Variants in PDE4D observed in about 807,000 individuals in gnomAD.
PDE4D encodes the protein 3',5'-cyclic-AMP phosphodiesterase 4D.
Under a neutral mutation model 87.4 loss-of-function variants are expected in PDE4D, and 24 were observed. The ratio of observed to expected loss-of-function variants is 0.27; its 90% CI spans 0.20 to 0.39. The LOEUF (loss-of-function observed/expected upper bound fraction) is 0.39. Among genes scored for constraint, PDE4D ranks in the 10% least tolerant of loss-of-function variants. PDE4D has a pLI of 1.00. For synonymous variants in PDE4D, 384 were observed against 383.2 expected (o/e 1.00, Z -0.02); for missense variants, 714 against 1,041.0 (o/e 0.69, Z 4.32).
Position 59,925,003 on chromosome 5 carries a change from G to A in PDE4D, c.272+63485C>T, listed in dbSNP as rs951659415. On this transcript the variant is annotated intron_variant, in intron 3 of 16. Coordinates refer to the PDE4D transcript ENST00000502484. The stretch of plus-strand genomic sequence containing the variant: ...ATCCTGGCTAACATGGTGAAACCCC[G>A]TCTCTACTAAAAATACAAAAAATTA... Among the ~76,000 whole-genome samples the A allele has an allele frequency of 1.5e-4, 22 of 151,610 alleles. No individual in the cohort carries two copies. The East Asian group carries it at 2.1e-3, about 15-fold the overall frequency.
intron 1 of PDE4D, among the ~76,000 whole-genome samples, chr5:60,509,200 T>G (rs1351521594): frequency 1.3e-5 from 2 of 152,202 alleles, no homozygotes; most frequent in Non-Finnish European, 2.9e-5. Context: ...TTCAGCACTA[T>G]GCTTGGAAGC....
intron 1 of PDE4D, among the ~76,000 whole-genome samples, chr5:60,410,000 A>G (rs1239373344): frequency 6.6e-6 from 1 of 152,184 alleles, no homozygotes; most frequent in African/African-American, 2.4e-5. Flanking sequence ...GGCTCTAGAA[A>G]GATATGCCCT....
chr5:59,659,760 C>T (rs149985940), intron 1 of PDE4D, among the ~76,000 whole-genome samples: 1 of 152,350 alleles, frequency 6.6e-6, no homozygotes, highest in African/African-American at 2.4e-5. Flanking sequence ...AATCCTTCTG[C>T]TACAGTGTGC....
intron 1 of PDE4D, among the ~76,000 whole-genome samples, chr5:59,537,034 T>A (rs746595533): frequency 4.6e-5 from 7 of 152,192 alleles, no homozygotes; most frequent in Non-Finnish European, 7.3e-5. Flanking sequence ...TGATTAAATA[T>A]AGGTATGGTT....
chr5:60,039,227 C>T (rs930167467), intron 2 of PDE4D, among the ~76,000 whole-genome samples: 3 of 152,082 alleles, frequency 2.0e-5, no homozygotes, highest in Non-Finnish European at 4.4e-5. Flanking sequence ...GAAAATGTGG[C>T]ACATATACAC....
chr5:59,434,107 TA>T (rs1311420668), intron 1 of PDE4D, among the ~76,000 whole-genome samples: 2 of 42,034 alleles, frequency 4.8e-5, no homozygotes, highest in East Asian at 1.7e-3. Context: ...AGGATGTTCC[TA>T]AAGAAGTCTC....
At chr5:60,011,235 G>A (rs1764993552) in intron 2 of PDE4D, among the ~76,000 whole-genome samples, 1 of 152,116 alleles carries the variant, frequency 6.6e-6, no homozygotes, top group African/African-American at 2.4e-5. Flanking sequence ...ACTATTGAGA[G>A]TGAGAAATGG....
chr5:60,488,654 C>G (rs1462975613), upstream of PDE4D, among the ~76,000 whole-genome samples: 2 of 152,034 alleles, frequency 1.3e-5, no homozygotes, highest in African/African-American at 4.8e-5. Context: ...TTTTCCAGAA[C>G]AGTTTCAGAG....
intron 1 of PDE4D, among the ~76,000 whole-genome samples, chr5:60,424,452 T>A (rs879089554): frequency 6.6e-6 from 1 of 152,322 alleles, no homozygotes; most frequent in Non-Finnish European, 1.5e-5. Flanking sequence ...TCTCAATAGA[T>A]GCAGAAAAGG....
intron 3 of PDE4D, among the ~76,000 whole-genome samples, chr5:59,954,650 G>T (rs2152806531): frequency 6.6e-6 from 1 of 152,298 alleles, no homozygotes. Context: ...AAATGGCACT[G>T]CCCTGAAGGT....
chr5:60,017,249 G>A (rs1254962838), intron 2 of PDE4D, among the ~76,000 whole-genome samples: 5 of 152,088 alleles, frequency 3.3e-5, no homozygotes, highest in Non-Finnish European at 7.4e-5. Context: ...AGGCTTTGTT[G>A]TTCCATTTAT....
chr5:59,482,424 T>C (rs1804434734), intron 1 of PDE4D, among the ~76,000 whole-genome samples: 1 of 152,200 alleles, frequency 6.6e-6, no homozygotes, highest in Non-Finnish European at 1.5e-5. Flanking sequence ...AATGACCTTC[T>C]TTTACAGTTG....
At chr5:60,080,843 T>A (rs1171849667) in intron 2 of PDE4D, among the ~76,000 whole-genome samples, 1 of 152,170 alleles carries the variant, frequency 6.6e-6, no homozygotes, top group African/African-American at 2.4e-5. Flanking sequence ...AAGTTTTCCT[T>A]TTTTGTTGTG....
chr5:59,139,628 C>A (rs190653784), intron 5 of PDE4D, among the ~76,000 whole-genome samples: 5 of 151,736 alleles, frequency 3.3e-5, no homozygotes, highest in South Asian at 2.1e-4. Flanking sequence ...TACTGCCATG[C>A]CAATTTTTTT....
At chr5:59,445,697 A>G (rs1798245600) in intron 1 of PDE4D, among the ~76,000 whole-genome samples, 1 of 152,252 alleles carries the variant, frequency 6.6e-6, no homozygotes, top group South Asian at 2.1e-4. Context: ...GCTTCAGATT[A>G]GCAGAAATTC....
chr5:59,203,368 GC>G (rs1747985385), intron 2 of PDE4D, among the ~76,000 whole-genome samples: 2 of 151,876 alleles, frequency 1.3e-5, no homozygotes, highest in Non-Finnish European at 2.9e-5. Flanking sequence ...AGAAAAGGAA[GC>G]CTTTTTACAC....
chr5:59,675,008 T>C (rs923294759), intron 1 of PDE4D, among the ~76,000 whole-genome samples: 1 of 152,214 alleles, frequency 6.6e-6, no homozygotes. Context: ...ATACTATCTA[T>C]ACCTACACTT....
At chr5:59,338,109 C>T (rs1169745219) in intron 1 of PDE4D, among the ~76,000 whole-genome samples, 1 of 152,206 alleles carries the variant, frequency 6.6e-6, no homozygotes, top group Non-Finnish European at 1.5e-5. Flanking sequence ...TAAGTTTCCA[C>T]TAATATGTGA....
At chr5:59,375,781 A>C (rs1432978016) in intron 1 of PDE4D, among the ~76,000 whole-genome samples, 1 of 152,156 alleles carries the variant, frequency 6.6e-6, no homozygotes, top group Admixed American at 6.5e-5. Flanking sequence ...TGATGCAAGA[A>C]TCCTCCATAA....
Sources: allele counts gnomAD v4.1 joint callset (sites outside exome capture counted in the v4.1 genomes callset), GRCh38; gene constraint gnomAD v4.1.1; transcripts MANE v1.5; gene names NCBI Gene and HGNC (gene_info 2026-07-23, HGNC 2026-07-21).